The following GLRA3 variants were observed in gnomAD, a reference collection of about 807,000 sequenced individuals.
GLRA3 encodes the protein glycine receptor subunit alpha-3.
GLRA3 carries 44 observed loss-of-function variants against 60.4 expected under a neutral mutation model. The observed-to-expected ratio is 0.73, with a 90% CI of 0.57 to 0.94. GLRA3 has a LOEUF of 0.94. Ranked by LOEUF, GLRA3 falls within the 40% of genes least tolerant of loss-of-function variation. The pLI, the probability that GLRA3 is intolerant of heterozygous loss-of-function variation, is 0.00. For missense variants in GLRA3, 508 were observed against 564.6 expected (o/e 0.90, Z 1.02); for synonymous variants, 223 against 192.9 (o/e 1.16, Z -1.29).
chr4:174,720,365 T>C (rs193218001), intron 4 of GLRA3, among the ~76,000 whole-genome samples: 104 of 152,320 alleles, frequency 6.8e-4, no homozygotes, highest in African/African-American at 2.2e-3. Context: ...AAATAACAAC[T>C]TTAGTGCCTA....
chr4:174,738,832 T>C (rs1327503149), intron 3 of GLRA3, among the ~76,000 whole-genome samples: 1 of 152,258 alleles, frequency 6.6e-6, no homozygotes, highest in East Asian at 1.9e-4. Flanking sequence ...CTGCTTTTCA[T>C]TCAGGCCTTT....
chr4:174,822,030 C>T (rs752432668), intron 1 of GLRA3, among the ~76,000 whole-genome samples: 9 of 152,064 alleles, frequency 5.9e-5, no homozygotes, highest in Non-Finnish European at 1.3e-4. Context: ...AAAACAAAGA[C>T]CAGAAATGAT....
intron 9 of GLRA3, among the ~76,000 whole-genome samples, chr4:174,647,411 G>T (rs1029273660): frequency 7.4e-6 from 1 of 134,992 alleles, no homozygotes; most frequent in African/African-American, 2.7e-5. Context: ...CCCATCTCAA[G>T]AAAAAAAAAA....
chr4:174,751,129 C>T (rs1232616810), intron 3 of GLRA3, among the ~76,000 whole-genome samples: 1 of 151,936 alleles, frequency 6.6e-6, no homozygotes, highest in African/African-American at 2.4e-5. Flanking sequence ...TACCTACCTA[C>T]CTTCCTGCTA....
At chr4:174,789,273 C>G (rs1739236315) in intron 1 of GLRA3, among the ~76,000 whole-genome samples, 1 of 152,138 alleles carries the variant, frequency 6.6e-6, no homozygotes, top group Non-Finnish European at 1.5e-5. Context: ...CAAATGTATC[C>G]TTATTGCTTT....
chr4:174,698,535 T>G lies in GLRA3; in HGVS notation c.575-15596A>C, dbSNP rs1403448080. ...CTGATTTTTCAGTACCACTATTTAT[T>G]TGTAAGAACCAAAACCTATACAAAA... On this transcript the variant is annotated intron_variant, in intron 5 of 9. Transcript: ENST00000274093. 1.2e-4 allele frequency among the ~76,000 whole-genome samples: 19 copies of G among 152,244 alleles called. No homozygotes were observed. In the South Asian group the frequency reaches 3.9e-3, roughly 32 times the overall value.
At chr4:174,787,467 C>G (rs1739167071) in intron 2 of GLRA3, among the ~76,000 whole-genome samples, 2 of 151,978 alleles carry the variant, frequency 1.3e-5, no homozygotes, top group Admixed American at 1.3e-4. Context: ...CATTATAATA[C>G]TGAAATTTCT....
At chr4:174,714,324 C>T (rs191292321) in intron 5 of GLRA3, among the ~76,000 whole-genome samples, 156 of 152,266 alleles carry the variant, frequency 1.0e-3, no homozygotes, top group African/African-American at 3.5e-3. Context: ...AATTGCCCTT[C>T]TTCAATTTCA....
chr4:174,754,409 A>G (rs1737605094), intron 3 of GLRA3, among the ~76,000 whole-genome samples: 1 of 152,074 alleles, frequency 6.6e-6, no homozygotes, highest in Non-Finnish European at 1.5e-5. Context: ...TTTACCTATT[A>G]CTCAAAGTAA....
At chr4:174,649,010 TG>T (rs1417151861) in intron 9 of GLRA3, among the ~76,000 whole-genome samples, 1 of 152,132 alleles carries the variant, frequency 6.6e-6, no homozygotes, top group East Asian at 1.9e-4. Flanking sequence ...ACGGTGCCAA[TG>T]GGGAATGGAA....
chr4:174,767,981 A>G (rs1738222283), intron 2 of GLRA3, among the ~76,000 whole-genome samples: 1 of 152,132 alleles, frequency 6.6e-6, no homozygotes. Context: ...CTACAATGTT[A>G]AACAATCTTC....
intron 3 of GLRA3, among the ~76,000 whole-genome samples, chr4:174,731,474 A>G (rs955609372): frequency 6.6e-6 from 1 of 152,326 alleles, no homozygotes; most frequent in African/African-American, 2.4e-5. Flanking sequence ...TGTATATGGC[A>G]AAAGGTTAAA....
In GLRA3 at chr4:174,784,486, A is replaced by G. The variant is rs919732298; in HGVS notation, c.199+4330T>C. Among the ~76,000 whole-genome samples the G allele has an allele frequency of 5.4e-3, 788 of 145,214 alleles. 5 individuals carry two copies. The highest frequency in any genetic ancestry group is 0.018 in the African/African-American group (746 of 40,662). ...GTATAATTAAAAAAAAAATACAAAA[A>G]AAAAACCAAAAACACAAAGAACCCC... On this transcript the variant is annotated intron_variant, in intron 2 of 9. Transcript: ENST00000274093.
intron 1 of GLRA3, among the ~76,000 whole-genome samples, chr4:174,801,160 G>C (rs1463993133): frequency 6.6e-6 from 1 of 151,970 alleles, no homozygotes; most frequent in African/African-American, 2.4e-5. Flanking sequence ...CATAAGTTGA[G>C]CAACATCTGT....
At chr4:174,701,802 C>G (rs560322841) in intron 5 of GLRA3, among the ~76,000 whole-genome samples, 1 of 152,112 alleles carries the variant, frequency 6.6e-6, no homozygotes, top group Non-Finnish European at 1.5e-5. Context: ...GTGGCAGAAA[C>G]AGCAAGAGAA....
chr4:174,693,192 T>C lies in GLRA3; in HGVS notation c.575-10253A>G, dbSNP rs143048051. Reference sequence around the variant, plus strand: ...TCCCACTTGTTGATTTTTGTTTTTGTTGCAATTGCTTTTGGTGTCTTTATC... The same window carrying C: ...TCCCACTTGTTGATTTTTGTTTTTGCTGCAATTGCTTTTGGTGTCTTTATC... On this transcript the variant is annotated intron_variant, in intron 5 of 9. Transcript: ENST00000274093. 3.3e-4 allele frequency among the ~76,000 whole-genome samples: 50 copies of C among 152,342 alleles called. No homozygotes were observed. In the East Asian group the frequency reaches 8.9e-3, roughly 27 times the overall value.
rs572348642 is a variant in GLRA3, at chr4:174,798,796, C to T, written c.72-9853G>A. ...AAAATTAGCTGGGTGTGGTGGTGAG[C>T]GCCTGTAGTCCCAGCTACTCGGGAG... On this transcript the variant is annotated intron_variant, in intron 1 of 9. Coordinates refer to ENST00000274093, the MANE Select transcript of GLRA3 (RefSeq NM_006529.4). Among the ~76,000 whole-genome samples, 19 of 152,140 alleles carry T rather than the reference C, an allele frequency of 1.2e-4. No individual in the cohort carries two copies. In the South Asian group the frequency reaches 3.3e-3, roughly 27 times the overall value.
intron 1 of GLRA3, among the ~76,000 whole-genome samples, chr4:174,826,095 G>A (rs1560822875): frequency 6.6e-6 from 1 of 152,030 alleles, no homozygotes; most frequent in Non-Finnish European, 1.5e-5. Flanking sequence ...TCAACATCAT[G>A]ATCCCAAAAT....
Position 174,657,486 on chromosome 4 carries a change from G to A in GLRA3, c.1072-699C>T, listed in dbSNP as rs146708954. On this transcript the variant is annotated intron_variant, in intron 8 of 9. Transcript: ENST00000274093. ...CAAATCATAATGATAGGGAACATGC[G>A]TATTGCTTTACTTCTAATTAATGAT... 1.3e-3 allele frequency among the ~76,000 whole-genome samples: 199 copies of A among 152,220 alleles called. 1 individual carries two copies. Among genetic ancestry groups the A allele is most frequent in the African/African-American group, 4.3e-3 (180 of 41,552 alleles).
Sources: gnomAD v4.1 joint callset for allele counts (sites outside exome capture counted in the v4.1 genomes callset) on GRCh38, gnomAD v4.1.1 for gene constraint, MANE v1.5 for transcripts, NCBI Gene and HGNC (gene_info 2026-07-23, HGNC 2026-07-21) for gene names.